Variants in CMYA5 observed in about 807,000 individuals in gnomAD.
The protein encoded by CMYA5 is cardiomyopathy associated 5, also known as cardiomyopathy-associated protein 5.
CMYA5 carries 246 observed loss-of-function variants against 318.9 expected under a neutral mutation model. The ratio of observed to expected loss-of-function variants is 0.77; its 90% CI spans 0.70 to 0.86. CMYA5 has a LOEUF of 0.86. Ranked by LOEUF, CMYA5 falls within the 40% of genes least tolerant of loss-of-function variation. The pLI is 0.00. For missense variants in CMYA5, 4,589 were observed against 4,678.2 expected, an observed-to-expected ratio of 0.98 and a Z score of 0.56; for synonymous variants, 1,641 against 1,729.5, an observed-to-expected ratio of 0.95 and a Z score of 1.27.
chr5:79,725,941 A>T (rs974647870), intron 1 of CMYA5, among the ~76,000 whole-genome samples: 1 of 151,092 alleles, frequency 6.6e-6, no homozygotes, highest in Non-Finnish European at 1.5e-5. Context: ...CTGGAAATTA[A>T]AAAAGAATGT....
At chr5:79,763,259 C>A (rs1278044874) in intron 9 of CMYA5, 50 bp downstream of exon 9, 11 of 1,482,942 alleles carry the variant, frequency 7.4e-6, no homozygotes, top group Non-Finnish European at 9.9e-6. Context: ...AGTAACCAAG[C>A]TCTGGGTCCT....
chr5:79,700,350 A>G (rs1220532966), intron 1 of CMYA5, among the ~76,000 whole-genome samples: 1 of 148,500 alleles, frequency 6.7e-6, no homozygotes, highest in Admixed American at 6.8e-5. Flanking sequence ...AATCTTCGCC[A>G]GTTAGTTTTG....
At chr5:79,763,577 T>G (rs1461172111) in intron 9 of CMYA5, among the ~76,000 whole-genome samples, 2 of 152,174 alleles carry the variant, frequency 1.3e-5, no homozygotes, top group Non-Finnish European at 2.9e-5. Context: ...AATAGTGAGC[T>G]TGTGTATAAT....
chr5:79,747,161 C>T, intron 5 of CMYA5, 48 bp downstream of exon 5: 1 of 1,501,620 alleles, frequency 6.7e-7, no homozygotes, highest in Non-Finnish European at 8.9e-7. Flanking sequence ...TGACTGGATG[C>T]TTGCTTTTTA....
intron 1 of CMYA5, among the ~76,000 whole-genome samples, chr5:79,702,710 T>C (rs568971920): frequency 6.6e-6 from 1 of 152,284 alleles, no homozygotes; most frequent in African/African-American, 2.4e-5. Context: ...TCTGTAAATA[T>C]ACTGAAAGCC....
chr5:79,741,090 C>A (rs942584373), intron 2 of CMYA5, among the ~76,000 whole-genome samples: 4 of 152,148 alleles, frequency 2.6e-5, no homozygotes, highest in African/African-American at 9.7e-5. Context: ...GCTGCCCAGG[C>A]TGCTCTAGAA....
At chr5:79,750,250 G>A (rs1828405157) in intron 5 of CMYA5, among the ~76,000 whole-genome samples, 1 of 149,666 alleles carries the variant, frequency 6.7e-6, no homozygotes, top group Non-Finnish European at 1.5e-5. Flanking sequence ...GTAAACTTAA[G>A]GTATTAATAA....
In CMYA5 at chr5:79,732,342, A is replaced by C. The variant is rs760789824; in HGVS notation, c.3577A>C (p.Lys1193Gln). 6 of 1,613,760 alleles carry C rather than the reference A, an allele frequency of 3.7e-6. No individual in the cohort carries two copies. In the Admixed American group the frequency reaches 1.0e-4, roughly 27 times the overall value. The change falls in exon 2 of 13, where the codon AAA becomes CAA. Residue 1193 changes from lysine to glutamine, a missense_variant. Around this residue, in one of 3 missense-constraint regions of CMYA5, gnomAD observed 2,132 missense variants for 2,131.3 expected, o/e 1.00. Transcript: ENST00000446378. ...EQEPTAALTL[K>Q]AADEQMALSK... is the part of the protein sequence containing the mutation. ...GGAACCCACAGCAGCACTCACTCTAAAAGCTGCAGATGAACAGATGGCTTT... is the reference window on the plus strand; with the variant it reads ...GGAACCCACAGCAGCACTCACTCTACAAGCTGCAGATGAACAGATGGCTTT...
chr5:79,697,683 G>A (rs1231011021), intron 1 of CMYA5, among the ~76,000 whole-genome samples: 1 of 152,180 alleles, frequency 6.6e-6, no homozygotes, highest in Non-Finnish European at 1.5e-5. Flanking sequence ...GGCAGGGCCT[G>A]TGCTGGAACC....
chr5:79,698,132 A>G (rs1468826670), intron 1 of CMYA5, among the ~76,000 whole-genome samples: 1 of 152,174 alleles, frequency 6.6e-6, no homozygotes, highest in African/African-American at 2.4e-5. Context: ...TGGGGTCATG[A>G]ACTTTGAAGT....
chr5:79,708,405 AGGT>A (rs1827315894), intron 1 of CMYA5, among the ~76,000 whole-genome samples: 1 of 152,070 alleles, frequency 6.6e-6, no homozygotes, highest in Admixed American at 6.5e-5. Flanking sequence ...GCAGATCACG[AGGT>A]CAGGAGATTG....
chr5:79,729,792 C>A lies in CMYA5; in HGVS notation c.1027C>A (p.Pro343Thr). The A allele has an allele frequency of 6.2e-7, 1 of 1,613,846 alleles. No homozygotes were observed. Among genetic ancestry groups the A allele is most frequent in the East Asian group, 2.2e-5 (1 of 44,866 alleles). The part of the protein sequence containing the change: ...NATSALEHTV[P>T]SYSSSGRAEQ... ...CACATCTGCATTGGAGCACACAGTTCCCTCTTATTCAAGTAGTGGCAGAGC... is the reference window on the plus strand; with the variant it reads ...CACATCTGCATTGGAGCACACAGTTACCTCTTATTCAAGTAGTGGCAGAGC... The change falls in exon 2 of 13, where the codon CCC becomes ACC. Residue 343 changes from proline to threonine, a missense_variant. Pro to Thr is a conservative substitution (Grantham distance 38). Transcript: ENST00000446378.
At chr5:79,778,412 C>T (rs1272786952) in intron 9 of CMYA5, among the ~76,000 whole-genome samples, 1 of 152,268 alleles carries the variant, frequency 6.6e-6, no homozygotes, top group South Asian at 2.1e-4. Flanking sequence ...TCTTTATACC[C>T]TTGCCTAAAC....
rs79421983 is a variant in CMYA5, at chr5:79,768,663, G to A, written c.11555+5454G>A. Among the ~76,000 whole-genome samples the A allele has an allele frequency of 1.8e-4, 27 of 152,302 alleles. No individual in the cohort carries two copies. The East Asian group carries it at 4.6e-3, about 26-fold the overall frequency. On this transcript the variant is annotated intron_variant, in intron 9 of 12. Transcript: ENST00000446378. ...TTGTACGGTTTCTGCAAAGAGATCC[G>A]TTGTTAGTCTGATGGGCTTCCCTTT...
chr5:79,724,265 A>T (rs556303417), intron 1 of CMYA5, among the ~76,000 whole-genome samples: 5 of 152,190 alleles, frequency 3.3e-5, no homozygotes, highest in African/African-American at 4.8e-5. Context: ...CGGAGGTTGC[A>T]GTGAGCCGAG....
intron 6 of CMYA5, among the ~76,000 whole-genome samples, chr5:79,758,493 C>T (rs1467501183): frequency 6.6e-6 from 1 of 151,974 alleles, no homozygotes; most frequent in Non-Finnish European, 1.5e-5. Flanking sequence ...GATCGTGCCA[C>T]TGCACTCCAG....
chr5:79,788,554 T>C (rs1392769042), intron 9 of CMYA5, among the ~76,000 whole-genome samples: 1 of 152,058 alleles, frequency 6.6e-6, no homozygotes, highest in Non-Finnish European at 1.5e-5. Context: ...TTAAAGATCT[T>C]TGGTTTCTAT....
intron 1 of CMYA5, among the ~76,000 whole-genome samples, chr5:79,709,553 C>G (rs1156985084): frequency 6.6e-6 from 1 of 150,434 alleles, no homozygotes; most frequent in Non-Finnish European, 1.5e-5. Context: ...CACTTTCATT[C>G]TCTCATGACT....
At chr5:79,798,402 C>A (rs562004823) in intron 12 of CMYA5, among the ~76,000 whole-genome samples, 2 of 152,244 alleles carry the variant, frequency 1.3e-5, no homozygotes, top group East Asian at 3.9e-4. Context: ...TTCAGGGCCC[C>A]ATTCTCAGTT....
Sources: allele counts gnomAD v4.1 joint callset (sites outside exome capture counted in the v4.1 genomes callset), GRCh38; gene constraint gnomAD v4.1.1; regional missense constraint gnomAD v4.1.1; transcripts MANE v1.5; gene names NCBI Gene and HGNC (gene_info 2026-07-23, HGNC 2026-07-21).